Variants in ADK observed in about 807,000 individuals in gnomAD.
The protein encoded by ADK is N6,N6-dimethyladenosine kinase.
A neutral mutation model predicts 44.7 loss-of-function variants in ADK; 24 were observed. The ratio of observed to expected loss-of-function variants is 0.54; its 90% CI spans 0.39 to 0.76. The LOEUF is 0.76. Among genes scored for constraint, ADK ranks in the 30% least tolerant of loss-of-function variants. The pLI is 0.00. For missense variants in ADK, 321 were observed against 425.1 expected (o/e 0.76, Z 2.15); for synonymous variants, 128 against 142.6 (o/e 0.90, Z 0.73).
At chr10:74,290,082 A>G (rs957713943) in intron 3 of ADK, among the ~76,000 whole-genome samples, 40 of 147,990 alleles carry the variant, frequency 2.7e-4, no homozygotes, top group African/African-American at 9.7e-4. Context: ...TCACGCGCAC[A>G]CACACACACA....
At chr10:74,368,200 C>G (rs1467433069) in intron 4 of ADK, among the ~76,000 whole-genome samples, 1 of 152,124 alleles carries the variant, frequency 6.6e-6, no homozygotes, top group African/African-American at 2.4e-5. Context: ...TGGCTCACTG[C>G]AGTTTTGACC....
At chr10:74,211,743 C>A (rs1564595847) in intron 2 of ADK, among the ~76,000 whole-genome samples, 1 of 152,112 alleles carries the variant, frequency 6.6e-6, no homozygotes, top group East Asian at 1.9e-4. Flanking sequence ...TGAATTTCAA[C>A]ATTTTATTTC....
chr10:74,325,917 G>A (rs1840990116), intron 4 of ADK, among the ~76,000 whole-genome samples: 1 of 151,712 alleles, frequency 6.6e-6, no homozygotes, highest in Admixed American at 6.6e-5. Flanking sequence ...GTGCAGAGGT[G>A]CTCTACCTCC....
chr10:74,196,675 T>TA (rs1318556409), intron 1 of ADK, among the ~76,000 whole-genome samples: 1 of 152,184 alleles, frequency 6.6e-6, no homozygotes, highest in Admixed American at 6.5e-5. Flanking sequence ...TGTAAGTAAC[T>TA]AAAAACCAGC....
intron 2 of ADK, among the ~76,000 whole-genome samples, chr10:74,207,048 A>T (rs921116814): frequency 5.3e-5 from 8 of 152,292 alleles, no homozygotes; most frequent in Admixed American, 4.6e-4. Context: ...GCAAGCGAAT[A>T]TGGGATCTGG....
At chr10:74,695,339 T>C (rs905874568) in intron 10 of ADK, among the ~76,000 whole-genome samples, 4 of 152,198 alleles carry the variant, frequency 2.6e-5, no homozygotes, top group African/African-American at 9.6e-5. Context: ...CCAGCATATC[T>C]CTCCATTTAG....
intron 7 of ADK, among the ~76,000 whole-genome samples, chr10:74,546,214 G>T (rs1240056383): frequency 6.6e-6 from 1 of 152,174 alleles, no homozygotes; most frequent in African/African-American, 2.4e-5. Context: ...GCTGCAAAAT[G>T]GGTGAAAGTA....
chr10:74,194,205 A>G (rs4746181), intron 1 of ADK, among the ~76,000 whole-genome samples: 4,779 of 152,292 alleles, frequency 0.031, 267 homozygotes, highest in African/African-American at 0.11. Context: ...GGAGTTTGCC[A>G]GGCAAAGGAA....
intron 2 of ADK, among the ~76,000 whole-genome samples, chr10:74,204,444 C>CT (rs897575846): frequency 2.3e-4 from 35 of 151,710 alleles, no homozygotes; most frequent in Non-Finnish European, 4.3e-4. Flanking sequence ...TTTTTTGAAA[C>CT]TTTTTTTTAT....
intron 3 of ADK, among the ~76,000 whole-genome samples, chr10:74,284,588 T>C (rs920424713): frequency 5.3e-5 from 8 of 152,194 alleles, no homozygotes; most frequent in African/African-American, 1.7e-4. Flanking sequence ...TTAGGTGCCA[T>C]AGCACTCACC....
intron 6 of ADK, among the ~76,000 whole-genome samples, chr10:74,416,498 A>T (rs186611134): frequency 3.9e-5 from 6 of 152,054 alleles, no homozygotes; most frequent in Admixed American, 6.5e-5. Flanking sequence ...GCTGCTTTTT[A>T]AAAATTTATT....
At chr10:74,272,658 ATTGCTCCT>A in intron 3 of ADK, among the ~76,000 whole-genome samples, 1 of 152,188 alleles carries the variant, frequency 6.6e-6, no homozygotes, top group South Asian at 2.1e-4. Context: ...GTGATATTGT[ATTGCTCCT>A]TATTGTGATG....
At chr10:74,156,376 T>C (rs1841750921) in intron 1 of ADK, among the ~76,000 whole-genome samples, 1 of 152,156 alleles carries the variant, frequency 6.6e-6, no homozygotes, top group Non-Finnish European at 1.5e-5. Context: ...CCCAGCACTT[T>C]GGGAGGCCAA....
chr10:74,359,549 AT>A (rs1389468693), intron 4 of ADK, among the ~76,000 whole-genome samples: 1 of 152,086 alleles, frequency 6.6e-6, no homozygotes, highest in Non-Finnish European at 1.5e-5. Context: ...CTACAAAAAA[AT>A]ATTTTTTTAA....
intron 3 of ADK, among the ~76,000 whole-genome samples, chr10:74,305,442 C>T (rs1217652507): frequency 6.6e-6 from 1 of 152,110 alleles, no homozygotes; most frequent in Middle Eastern, 3.2e-3. Context: ...GACCTATCCC[C>T]TTCCCTCCTT....
rs374790745 is a variant in ADK at position 74,280,885 on chromosome 10, A to AT, written c.195-33778dup. ...TTGACACATATTTTGAATTGTAGTT[A>AT]TTTTGTCTTTCCTAATTTAGATGCA... On this transcript the variant is annotated intron_variant, in intron 3 of 10. Coordinates refer to ENST00000539909, the MANE Select transcript of ADK (RefSeq NM_006721.4). Among the ~76,000 whole-genome samples the AT allele has an allele frequency of 5.1e-3, 779 of 152,226 alleles. 9 individuals carry two copies. The highest frequency in any genetic ancestry group is 0.018 in the African/African-American group (750 of 41,550).
intron 6 of ADK, among the ~76,000 whole-genome samples, chr10:74,418,520 G>A (rs1466327074): frequency 6.6e-6 from 1 of 152,168 alleles, no homozygotes; most frequent in Non-Finnish European, 1.5e-5. Flanking sequence ...GTCCTGAGGC[G>A]ATTAATGACA....
chr10:74,495,643 T>A (rs1847658325), intron 6 of ADK, among the ~76,000 whole-genome samples: 1 of 152,216 alleles, frequency 6.6e-6, no homozygotes, highest in African/African-American at 2.4e-5. Flanking sequence ...GTTCAGCACT[T>A]CACCCATTTC....
intron 6 of ADK, among the ~76,000 whole-genome samples, chr10:74,416,029 TATATACAC>T (rs965736562): frequency 1.2e-5 from 1 of 86,624 alleles, no homozygotes; most frequent in African/African-American, 3.8e-5. Context: ...CACACATACA[TATATACAC>T]ACACACACAC....
Sources: gnomAD v4.1 joint callset for allele counts (sites outside exome capture counted in the v4.1 genomes callset) on GRCh38, gnomAD v4.1.1 for gene constraint, MANE v1.5 for transcripts, NCBI Gene and HGNC (gene_info 2026-07-23, HGNC 2026-07-21) for gene names.